Variants in ZNF66 observed in about 807,000 individuals in gnomAD.
ZNF66 encodes the protein zinc finger protein 66.
A neutral mutation model predicts 35.2 loss-of-function variants in ZNF66; 32 were observed. The ratio of observed to expected loss-of-function variants is 0.91; its 90% confidence interval spans 0.69 to 1.22. ZNF66 has a LOEUF of 1.22. Ranked by LOEUF, ZNF66 falls within the 50% of genes most tolerant of loss-of-function variation. The probability of loss-of-function intolerance (pLI) is 0.00; values close to 1 mark genes in which losing one functional copy is unlikely to be tolerated. For synonymous variants in ZNF66, 231 were observed against 181.3 expected (o/e 1.27, Z -2.20); for missense variants, 666 against 543.1 (o/e 1.23, Z -2.25).
chr19:20,801,047 T>G (rs1314887953), intron 3 of ZNF66, among the ~76,000 whole-genome samples: 1 of 152,172 alleles, frequency 6.6e-6, no homozygotes, highest in African/African-American at 2.4e-5. Context: ...ATTATAGTTA[T>G]AGATTCCTGC....
chr19:20,795,325 T>C (rs1156264203), intron 3 of ZNF66, among the ~76,000 whole-genome samples: 2 of 152,148 alleles, frequency 1.3e-5, no homozygotes, highest in African/African-American at 4.8e-5. Context: ...AAACTGATTT[T>C]AGAAGCATTT....
At position 20,809,137 on chromosome 19, in the gene ZNF66, A is replaced by C. The variant is rs1971560429; in HGVS notation, c.*1815A>C. On this transcript the variant is annotated 3_prime_UTR_variant, in exon 4 of 4. Transcript: ENST00000344519. Reference sequence around the variant, plus strand: ...AGTGAGAAGGGAAGTTTAGAGAAAAAAAATTAAAAAGAAACAAAGTCTCCA... The same window carrying C: ...AGTGAGAAGGGAAGTTTAGAGAAAACAAATTAAAAAGAAACAAAGTCTCCA... 6.6e-6 allele frequency among the ~76,000 whole-genome samples: 1 copy of C among 150,492 alleles called. No individual in the cohort carries two copies. The highest frequency in any genetic ancestry group is 2.4e-5 in the African/African-American group (1 of 40,846).
At chr19:20,778,708 G>GGGAGGT (rs1971217843) in intron 1 of ZNF66, among the ~76,000 whole-genome samples, 1 of 151,676 alleles carries the variant, frequency 6.6e-6, no homozygotes, top group Admixed American at 6.6e-5. Flanking sequence ...TCTTGAACCC[G>GGGAGGT]GGAGGTGGAG....
rs181888513 is a variant in ZNF66, at chr19:20,809,676, G to A, written c.*2354G>A. Among the ~76,000 whole-genome samples, 5,818 of 151,944 alleles carry A rather than the reference G, an allele frequency of 0.038. 117 individuals are homozygous for A. The highest frequency in any genetic ancestry group is 0.053 in the African/African-American group (2,200 of 41,406). On this transcript the variant is annotated 3_prime_UTR_variant, in exon 4 of 4. Transcript: ENST00000344519. ...GGCCTGCCCTAAAAGAGCTCCTGAA[G>A]GAAGCACTAAACATGGAAAGGAACA...
chr19:20,788,025 A>G (rs1971303699), intron 1 of ZNF66, among the ~76,000 whole-genome samples: 2 of 152,154 alleles, frequency 1.3e-5, no homozygotes, highest in South Asian at 4.1e-4. Flanking sequence ...AAGAGTGGTT[A>G]ATTCTGCTTC....
Position 20,809,273 on chromosome 19 carries a change from A to G in ZNF66, c.*1951A>G, listed in dbSNP as rs1042556930. 1.3e-5 allele frequency among the ~76,000 whole-genome samples: 2 copies of G among 152,206 alleles called. No homozygotes were observed. Among genetic ancestry groups the G allele is most frequent in the Non-Finnish European group, 2.9e-5 (2 of 68,030 alleles). On this transcript the variant is annotated 3_prime_UTR_variant, in exon 4 of 4. Coordinates refer to ENST00000344519, the MANE Select transcript of ZNF66 (RefSeq NM_001355197.2). ...AACACTCTGCAGGATATTATCCAGG[A>G]GAACTTCCCCAATCTAGCAAGGCAG...
At chr19:20,786,368 A>C (rs1158761094) in intron 1 of ZNF66, among the ~76,000 whole-genome samples, 1 of 152,202 alleles carries the variant, frequency 6.6e-6, no homozygotes, top group Non-Finnish European at 1.5e-5. Context: ...TTGTATCTTC[A>C]GACTGAAACT....
At chr19:20,793,348 T>TTTTTTTG (rs1971359777) in intron 2 of ZNF66, among the ~76,000 whole-genome samples, 1 of 144,772 alleles carries the variant, frequency 6.9e-6, no homozygotes, top group Non-Finnish European at 1.5e-5. Context: ...TTTTTTTTTT[T>TTTTTTTG]GAGACAGAGT....
intron 1 of ZNF66, among the ~76,000 whole-genome samples, chr19:20,788,405 G>A (rs1017890045): frequency 6.6e-6 from 1 of 152,082 alleles, no homozygotes; most frequent in Non-Finnish European, 1.5e-5. Context: ...ATGAACAGAA[G>A]GATTATTATA....
In ZNF66 at chr19:20,808,655, C is replaced by T. The variant is rs1404818750; in HGVS notation, c.*1333C>T. On this transcript the variant is annotated 3_prime_UTR_variant, in exon 4 of 4. Coordinates refer to ENST00000344519, the MANE Select transcript of ZNF66 (RefSeq NM_001355197.2). The stretch of plus-strand genomic sequence containing the variant: ...AGGGTCCTGTCTGTTAGAAGGAAAA[C>T]TAACAAACAGAAAGGACATCCACAC... Among the ~76,000 whole-genome samples, 2 of 152,072 alleles carry T rather than the reference C, an allele frequency of 1.3e-5. No individual in the cohort carries two copies. The highest frequency in any genetic ancestry group is 4.8e-5 in the African/African-American group (2 of 41,408).
At position 20,808,063 on chromosome 19, in the gene ZNF66, G is replaced by A. The variant is rs1971542687; in HGVS notation, c.*741G>A. Among the ~76,000 whole-genome samples the A allele has an allele frequency of 6.6e-6, 1 of 152,078 alleles. No homozygotes were observed. Among genetic ancestry groups the A allele is most frequent in the African/African-American group, 2.4e-5 (1 of 41,380 alleles). On this transcript the variant is annotated 3_prime_UTR_variant, in exon 4 of 4. Transcript: ENST00000344519. ...AAAATGGCACACCAGATTATATCCT[G>A]CAGCTGGCTCAGAGGGTCCTATGCC...
In ZNF66 at chr19:20,807,192, A is replaced by G. The variant is rs751012838; in HGVS notation, c.1592A>G (p.His531Arg). The G allele has an allele frequency of 4.1e-6, 3 of 735,832 alleles. No individual in the cohort carries two copies. The highest frequency in any genetic ancestry group is 7.2e-6 in the Non-Finnish European group (3 of 415,052). 45.6% of individuals were successfully genotyped at this position (735,832 alleles called of 1,614,324 possible). A position where few individuals can be genotyped will look rare whatever the true frequency, so the allele number is the denominator to read the frequency against. The change falls in exon 4 of 4, where the codon CAT (histidine) becomes CGT (arginine). Residue 531 changes from histidine (H) to arginine (R), a missense_variant. Physicochemically the swap from His to Arg is conservative, Grantham distance 29. Transcript: ENST00000344519. ...ACCCTTACTAGACATAAGAAAATTCATACTGGAGGGAAACCACACAAGTGC... is the reference window on the plus strand; with the variant it reads ...ACCCTTACTAGACATAAGAAAATTCGTACTGGAGGGAAACCACACAAGTGC... ...SSTLTRHKKIHTGGKPHKCNK... is the reference protein window; with the variant it reads ...SSTLTRHKKIRTGGKPHKCNK...
intron 3 of ZNF66, among the ~76,000 whole-genome samples, chr19:20,799,756 G>A (rs970918980): frequency 2.0e-5 from 3 of 151,996 alleles, no homozygotes; most frequent in African/African-American, 7.3e-5. Flanking sequence ...TATACAGAAC[G>A]GTTTATTTCT....
intron 1 of ZNF66, 102 bp downstream of exon 1, chr19:20,776,552 A>T: frequency 2.1e-6 from 3 of 1,396,794 alleles, no homozygotes; most frequent in Non-Finnish European, 3.0e-6. Context: ...AATTCTCCTT[A>T]CCCAGCTCTG....
intron 1 of ZNF66, chr19:20,785,196 T>C (rs1414701954): frequency 2.6e-5 from 4 of 152,218 alleles, no homozygotes; most frequent in Non-Finnish European, 5.9e-5. Flanking sequence ...GCAAATGTAG[T>C]TCACATAAAA....
At position 20,806,081 on chromosome 19, in the gene ZNF66, A is replaced by C. The variant is rs1167354647; in HGVS notation, c.481A>C (p.Asn161His). ...AGTCTTTCATCAATTTTCAAATACA[A>C]ACAGACATAAGATAAGACATACTGG... is the stretch of plus-strand genomic sequence containing the variant. ...GKVFHQFSNT[N>H]RHKIRHTGKN... is the part of the protein sequence containing the mutation. Residue 161 changes from asparagine (N) to histidine (H), a missense_variant, in exon 4 of 4, where the codon AAC (asparagine) becomes CAC (histidine). Transcript: ENST00000344519. The C allele has an allele frequency of 1.1e-6, 1 of 871,840 alleles. No individual in the cohort carries two copies. The highest frequency in any genetic ancestry group is 1.7e-5 in the African/African-American group (1 of 60,000). The allele number at this position is 871,840 out of a possible 1,614,324, so 54.0% of individuals were successfully genotyped here.
intron 2 of ZNF66, among the ~76,000 whole-genome samples, chr19:20,793,088 AAG>A (rs1971354054): frequency 1.3e-5 from 2 of 151,766 alleles, no homozygotes; most frequent in East Asian, 1.9e-4. Flanking sequence ...AAAAAAAAGA[AAG>A]AAAAAAATTT....
chr19:20,777,107 T>C (rs1351905345), intron 1 of ZNF66, among the ~76,000 whole-genome samples: 2 of 118,446 alleles, frequency 1.7e-5, no homozygotes, highest in African/African-American at 3.4e-5. Context: ...AGAGCAAGAC[T>C]CTTGTCTAAA....
At chr19:20,779,718 G>A (rs1971227937) in intron 1 of ZNF66, among the ~76,000 whole-genome samples, 1 of 151,162 alleles carries the variant, frequency 6.6e-6, no homozygotes, top group Non-Finnish European at 1.5e-5. Flanking sequence ...CCTGAGGTTG[G>A]GAGTTTAAGA....
Sources: allele counts gnomAD v4.1 joint callset (sites outside exome capture counted in the v4.1 genomes callset), GRCh38; gene constraint gnomAD v4.1.1; transcripts MANE v1.5; gene names NCBI Gene and HGNC (gene_info 2026-07-23, HGNC 2026-07-21).